The following ADGRL3 variants were observed in gnomAD, a reference collection of about 807,000 sequenced individuals.
ADGRL3 encodes the protein calcium-independent alpha-latrotoxin receptor 3.
Under a neutral mutation model 153.5 loss-of-function variants are expected in ADGRL3, and 62 were observed. That is an observed-to-expected ratio of 0.40 (90% CI 0.33 to 0.50). ADGRL3 has a LOEUF of 0.50. Among genes scored for constraint, ADGRL3 ranks in the 20% least tolerant of loss-of-function variants. ADGRL3 has a pLI of 0.47. For missense variants in ADGRL3, 1,641 were observed against 1,859.4 expected, an observed-to-expected ratio of 0.88 and a Z score of 2.16; for synonymous variants, 710 against 672.5, an observed-to-expected ratio of 1.06 and a Z score of -0.86.
At chr4:61,201,925 G>A (rs1165847967) in intron 1 of ADGRL3, among the ~76,000 whole-genome samples, 160 bp downstream of exon 1, 2 of 152,024 alleles carry the variant, frequency 1.3e-5, no homozygotes, top group Non-Finnish European at 2.9e-5. Context: ...ATCCGGTCGT[G>A]GTGCGGGGCG....
At chr4:61,590,381 TA>T (rs911132250) in intron 5 of ADGRL3, among the ~76,000 whole-genome samples, 45 of 152,136 alleles carry the variant, frequency 3.0e-4, no homozygotes, top group East Asian at 1.7e-3. Flanking sequence ...GAGAGTTTTT[TA>T]AAAAAAATAT....
At chr4:61,349,992 A>G (rs2096007461) in intron 1 of ADGRL3, among the ~76,000 whole-genome samples, 1 of 152,216 alleles carries the variant, frequency 6.6e-6, no homozygotes, top group Non-Finnish European at 1.5e-5. Context: ...ATCACGCAGA[A>G]CAAGAACACT....
intron 6 of ADGRL3, among the ~76,000 whole-genome samples, chr4:61,698,423 G>T (rs1220735805): frequency 1.3e-5 from 2 of 152,098 alleles, no homozygotes; most frequent in African/African-American, 2.4e-5. Context: ...CTGCACTCCA[G>T]TCTGGGTGAC....
At chr4:61,335,325 GT>G (rs1215554108) in intron 1 of ADGRL3, among the ~76,000 whole-genome samples, 1 of 152,066 alleles carries the variant, frequency 6.6e-6, no homozygotes, top group African/African-American at 2.4e-5. Context: ...GATTATTCAG[GT>G]TTTAAAGAAA....
chr4:61,517,372 G>T lies in ADGRL3; in HGVS notation c.113G>T (p.Arg38Leu). 1.4e-6 allele frequency: 1 copy of T among 708,062 alleles called. No individual in the cohort carries two copies. The highest frequency in any genetic ancestry group is 1.5e-5 in the South Asian group (1 of 67,680). 43.9% of individuals were successfully genotyped at this position (708,062 alleles called of 1,614,324 possible). ...GCTGCTCCATTGCGACACGCTGAGC[G>T]CAGCCCAGGAGGCGCTCTTCCACCC... ...ALAAPLRHAE[R>L]SPGGALPPRH... Residue 38 changes from arginine to leucine, a missense_variant, in exon 4 of 27, where the codon CGC becomes CTC. Physicochemically the swap from Arg to Leu is moderately radical, Grantham distance 102. Around this residue, in one of 5 missense-constraint regions of ADGRL3, gnomAD observed 145 missense variants for 79.1 expected, o/e 1.83. Transcript: ENST00000683033.
At chr4:61,441,044 C>G (rs569928888) in intron 2 of ADGRL3, among the ~76,000 whole-genome samples, 14 of 152,194 alleles carry the variant, frequency 9.2e-5, no homozygotes, top group African/African-American at 2.4e-4. Flanking sequence ...CCTGTTATTC[C>G]TATTTATCCT....
At chr4:61,417,316 C>T (rs1009967428) in intron 2 of ADGRL3, among the ~76,000 whole-genome samples, 4 of 151,890 alleles carry the variant, frequency 2.6e-5, no homozygotes, top group Non-Finnish European at 4.4e-5. Context: ...AGTGAGACCC[C>T]CATCTCTACA....
intron 8 of ADGRL3, among the ~76,000 whole-genome samples, chr4:61,737,349 T>A (rs2096530842): frequency 6.6e-6 from 1 of 152,124 alleles, no homozygotes; most frequent in Non-Finnish European, 1.5e-5. Flanking sequence ...ATGTCTCCTG[T>A]AAAAAGATCT....
intron 2 of ADGRL3, among the ~76,000 whole-genome samples, chr4:61,400,839 C>T (rs1383867977): frequency 1.3e-5 from 2 of 148,490 alleles, no homozygotes; most frequent in East Asian, 3.9e-4. Context: ...AAAAAAAGTC[C>T]TGCTCCCTTG....
intron 19 of ADGRL3, among the ~76,000 whole-genome samples, chr4:61,992,834 A>T (rs1021207971): frequency 6.6e-6 from 1 of 152,218 alleles, no homozygotes; most frequent in African/African-American, 2.4e-5. Flanking sequence ...GACCATTTTC[A>T]AAAAAGCAAA....
intron 6 of ADGRL3, among the ~76,000 whole-genome samples, chr4:61,704,524 C>T (rs982442012): frequency 2.6e-5 from 4 of 152,096 alleles, no homozygotes; most frequent in African/African-American, 4.8e-5. Context: ...GAAGCTCTCG[C>T]CTTGATGCTG....
chr4:61,259,786 G>A (rs1387545224), intron 1 of ADGRL3, among the ~76,000 whole-genome samples: 1 of 151,592 alleles, frequency 6.6e-6, no homozygotes, highest in Non-Finnish European at 1.5e-5. Context: ...ACTTTCATTG[G>A]AAATCTTTGA....
intron 4 of ADGRL3, among the ~76,000 whole-genome samples, chr4:61,535,335 G>A (rs2098649063): frequency 6.6e-6 from 1 of 152,160 alleles, no homozygotes; most frequent in East Asian, 1.9e-4. Context: ...GTTGGATTTG[G>A]TTTGCTAGTA....
intron 3 of ADGRL3, among the ~76,000 whole-genome samples, chr4:61,503,031 G>A (rs538384603): frequency 2.0e-5 from 3 of 152,170 alleles, no homozygotes; most frequent in Non-Finnish European, 4.4e-5. Context: ...CACATCCAAC[G>A]CCATCCACAT....
intron 2 of ADGRL3, among the ~76,000 whole-genome samples, chr4:61,435,686 C>T (rs535041939): frequency 6.6e-6 from 1 of 152,234 alleles, no homozygotes; most frequent in Admixed American, 6.5e-5. Context: ...ATTGCATTCT[C>T]CTCCTCTCCG....
At chr4:61,655,405 T>G (rs1244658646) in intron 5 of ADGRL3, among the ~76,000 whole-genome samples, 1 of 152,130 alleles carries the variant, frequency 6.6e-6, no homozygotes, top group Non-Finnish European at 1.5e-5. Flanking sequence ...TATATATAAA[T>G]TTTTTCACTA....
intron 8 of ADGRL3, among the ~76,000 whole-genome samples, chr4:61,777,644 GCTAA>G (rs2097168357): frequency 6.6e-6 from 1 of 152,162 alleles, no homozygotes. Context: ...CAGTTATCCA[GCTAA>G]CTAATTGGCA....
At chr4:61,432,655 T>TCTTTCTTTCTTTCTCTTTC in intron 2 of ADGRL3, among the ~76,000 whole-genome samples, 1 of 58,758 alleles carries the variant, frequency 1.7e-5, no homozygotes, top group East Asian at 3.4e-4. Context: ...TCTTTCTTTC[T>TCTTTCTTTCTTTCTCTTTC]TTTTTTTTTT....
At chr4:61,603,732 T>G (rs199818915) in intron 5 of ADGRL3, among the ~76,000 whole-genome samples, 25 of 147,114 alleles carry the variant, frequency 1.7e-4, no homozygotes, top group South Asian at 4.2e-4. Flanking sequence ...GTGTGTGTGT[T>G]TGTTTGTTTG....
Sources: gnomAD v4.1 joint callset for allele counts (sites outside exome capture counted in the v4.1 genomes callset) on GRCh38, gnomAD v4.1.1 for gene constraint, gnomAD v4.1.1 regional missense constraint, MANE v1.5 for transcripts, NCBI Gene and HGNC (gene_info 2026-07-23, HGNC 2026-07-21) for gene names.